Variants in NALCN observed in about 807,000 individuals in gnomAD.
The protein encoded by NALCN is sodium leak channel, non-selective, also known as sodium leak channel NALCN.
A neutral mutation model predicts 225.3 loss-of-function variants in NALCN; 111 were observed. The observed-to-expected ratio is 0.49, with a 90% CI of 0.42 to 0.58. The LOEUF (loss-of-function observed/expected upper bound fraction) is 0.58. Among genes scored for constraint, NALCN ranks in the 20% least tolerant of loss-of-function variants. The probability of loss-of-function intolerance (pLI) is 0.00; values close to 1 mark genes in which losing one functional copy is unlikely to be tolerated. For missense variants in NALCN, 1,378 were observed against 2,202.4 expected, an observed-to-expected ratio of 0.63 and a Z score of 7.49; for synonymous variants, 764 against 769.0, an observed-to-expected ratio of 0.99 and a Z score of 0.11.
At chr13:101,166,540 T>C (rs1294267297) in intron 15 of NALCN, among the ~76,000 whole-genome samples, 2 of 152,186 alleles carry the variant, frequency 1.3e-5, no homozygotes, top group Admixed American at 6.5e-5. Flanking sequence ...CTTTTTTAGA[T>C]AAATGTCAGC....
intron 15 of NALCN, among the ~76,000 whole-genome samples, chr13:101,171,904 T>C (rs898662954): frequency 1.3e-5 from 2 of 152,186 alleles, no homozygotes; most frequent in Non-Finnish European, 2.9e-5. Context: ...AAGGAAACTA[T>C]ATATGAAAAC....
intron 17 of NALCN, among the ~76,000 whole-genome samples, chr13:101,130,444 T>A (rs894844153): frequency 5.9e-5 from 9 of 152,244 alleles, no homozygotes; most frequent in Non-Finnish European, 1.3e-4. Flanking sequence ...TGTGAATTTT[T>A]ATGCCAAATG....
chr13:101,149,218 G>A (rs1217007463), intron 15 of NALCN, among the ~76,000 whole-genome samples: 11 of 151,726 alleles, frequency 7.2e-5, no homozygotes, highest in South Asian at 4.2e-4. Flanking sequence ...GCGTGAACCC[G>A]GGAGGTGGAG....
At chr13:101,178,729 G>C (rs963615702) in intron 14 of NALCN, among the ~76,000 whole-genome samples, 3 of 152,182 alleles carry the variant, frequency 2.0e-5, no homozygotes. Context: ...GGTGAATTTA[G>C]GATAAACTAT....
chr13:101,285,070 A>C (rs547254204), intron 9 of NALCN, among the ~76,000 whole-genome samples: 23 of 122,928 alleles, frequency 1.9e-4, no homozygotes, highest in African/African-American at 7.4e-4. Context: ...TGTCACCCTT[A>C]TTTATGTCCT....
At chr13:101,392,131 T>A (rs1373277681) in intron 3 of NALCN, among the ~76,000 whole-genome samples, 2 of 152,028 alleles carry the variant, frequency 1.3e-5, no homozygotes, top group Non-Finnish European at 2.9e-5. Context: ...CACCGGGAAC[T>A]GATACCAAAC....
intron 6 of NALCN, among the ~76,000 whole-genome samples, chr13:101,369,831 G>A (rs2046487686): frequency 6.6e-6 from 1 of 152,026 alleles, no homozygotes; most frequent in Non-Finnish European, 1.5e-5. Flanking sequence ...TTTCTTCCAT[G>A]CATTTGTCTC....
At chr13:101,321,623 A>G (rs1477896099) in intron 7 of NALCN, among the ~76,000 whole-genome samples, 2 of 152,184 alleles carry the variant, frequency 1.3e-5, no homozygotes, top group African/African-American at 2.4e-5. Flanking sequence ...ATACTCCAGT[A>G]TTAGTAATCA....
intron 17 of NALCN, among the ~76,000 whole-genome samples, chr13:101,140,199 T>C (rs1367460371): frequency 3.3e-5 from 5 of 152,200 alleles, no homozygotes; most frequent in African/African-American, 1.2e-4. Context: ...ATAAGACATG[T>C]TGTATGGGAT....
chr13:101,339,408 G>C (rs879454551), intron 7 of NALCN, among the ~76,000 whole-genome samples: 1 of 152,198 alleles, frequency 6.6e-6, no homozygotes, highest in Non-Finnish European at 1.5e-5. Context: ...TGTCTTAGCA[G>C]GGATGAGTCA....
At chr13:101,105,704 A>G (rs2035059041) in intron 22 of NALCN, among the ~76,000 whole-genome samples, 2 of 152,214 alleles carry the variant, frequency 1.3e-5, no homozygotes, top group South Asian at 4.1e-4. Context: ...TACTTTGAAA[A>G]CTCATGGAAG....
intron 12 of NALCN, among the ~76,000 whole-genome samples, chr13:101,234,267 G>C (rs1323914346): frequency 6.6e-6 from 1 of 152,154 alleles, no homozygotes; most frequent in Admixed American, 6.5e-5. Flanking sequence ...TTTGTCCACT[G>C]CTCCATCTTC....
At chr13:101,280,885 T>C (rs1159051477) in intron 10 of NALCN, among the ~76,000 whole-genome samples, 9 of 147,694 alleles carry the variant, frequency 6.1e-5, no homozygotes, top group East Asian at 3.9e-4. Flanking sequence ...TCTCTCTCTT[T>C]TTTTTTTTTT....
chr13:101,233,669 A>G (rs1275699879), intron 12 of NALCN, among the ~76,000 whole-genome samples: 1 of 152,118 alleles, frequency 6.6e-6, no homozygotes, highest in Non-Finnish European at 1.5e-5. Context: ...ATCATCTGCT[A>G]GGTATGCGGT....
intron 11 of NALCN, among the ~76,000 whole-genome samples, chr13:101,249,989 A>G (rs984042576): frequency 6.6e-6 from 1 of 152,140 alleles, no homozygotes; most frequent in Non-Finnish European, 1.5e-5. Flanking sequence ...AGAAATTCCA[A>G]TCAAGTCTAT....
intron 11 of NALCN, among the ~76,000 whole-genome samples, chr13:101,250,056 TA>T (rs751903533): frequency 6.6e-6 from 1 of 152,020 alleles, no homozygotes; most frequent in Non-Finnish European, 1.5e-5. Flanking sequence ...TAGGTCAATA[TA>T]AAAAATTAAT....
rs576720407 is a variant in NALCN at position 101,124,185 on chromosome 13, T to C, written c.2192+423A>G. On this transcript the variant is annotated intron_variant, in intron 18 of 43. Coordinates refer to ENST00000251127, the MANE Select transcript of NALCN (RefSeq NM_052867.4). ...GTTTTCATAGGCATTCTAAGATTGG[T>C]ATACTTTTTATTATTTCCGGATTTT... 7.8e-4 allele frequency among the ~76,000 whole-genome samples: 119 copies of C among 152,348 alleles called. 2 individuals are homozygous for C. The highest frequency in any genetic ancestry group is 2.8e-3 in the African/African-American group (115 of 41,582).
At chr13:101,354,002 T>C (rs541547468) in intron 6 of NALCN, among the ~76,000 whole-genome samples, 5 of 152,170 alleles carry the variant, frequency 3.3e-5, no homozygotes, top group African/African-American at 1.2e-4. Context: ...AAGACTGCAG[T>C]TGGGTTAGGA....
chr13:101,372,223 G>A (rs2046560484), intron 6 of NALCN, among the ~76,000 whole-genome samples: 1 of 152,084 alleles, frequency 6.6e-6, no homozygotes, highest in African/African-American at 2.4e-5. Flanking sequence ...AAAAATAAGA[G>A]AGATTGAAAA....
Sources: allele counts gnomAD v4.1 joint callset (sites outside exome capture counted in the v4.1 genomes callset), GRCh38; gene constraint gnomAD v4.1.1; transcripts MANE v1.5; gene names NCBI Gene and HGNC (gene_info 2026-07-23, HGNC 2026-07-21).